Variants in ZNF331 observed in about 807,000 individuals in gnomAD.
The protein encoded by ZNF331 is C2H2-like zinc finger protein rearranged in thyroid adenomas.
Under a neutral mutation model 7.0 loss-of-function variants are expected in ZNF331, and 2 were observed. The ratio of observed to expected loss-of-function variants is 0.29; its 90% CI spans 0.12 to 0.90. The LOEUF (loss-of-function observed/expected upper bound fraction) is 0.90. Ranked by LOEUF, ZNF331 falls within the 40% of genes least tolerant of loss-of-function variation. The pLI is 0.58. For synonymous variants in ZNF331, 196 were observed against 205.4 expected, an observed-to-expected ratio of 0.95 and a Z score of 0.39; for missense variants, 432 against 587.7, an observed-to-expected ratio of 0.74 and a Z score of 2.74.
chr19:53,553,292 C>CA (rs978247227), intron 2 of ZNF331, among the ~76,000 whole-genome samples: 5,677 of 98,252 alleles, frequency 0.058, 174 homozygotes, highest in Middle Eastern at 0.11. Context: ...AACTCCATCT[C>CA]AAAAAAAAAA....
chr19:53,506,412 C>CTCTCTCTCTCTCTCTCTCTCTCTCTG, the ZNF331 span, among the ~76,000 whole-genome samples: 1 of 34,276 alleles, frequency 2.9e-5, no homozygotes, highest in Non-Finnish European at 5.5e-5. Context: ...TCTCTCTCTC[C>CTCTCTCTCTCTCTCTCTCTCTCTCTG]TCTCTCTCTC....
chr19:53,566,195 C>T (rs1235483925), intron 3 of ZNF331, among the ~76,000 whole-genome samples: 2 of 151,984 alleles, frequency 1.3e-5, no homozygotes, highest in South Asian at 2.1e-4. Flanking sequence ...GGCATCACAC[C>T]GGATGTGCCT....
intron 2 of ZNF331, among the ~76,000 whole-genome samples, chr19:53,546,140 GAAAAAAAAAA>G (rs527391326): frequency 1.4e-4 from 16 of 113,484 alleles, no homozygotes; most frequent in African/African-American, 4.4e-4. Context: ...TCCTGAGGGG[GAAAAAAAAAA>G]AAAAAAAAAA....
rs2088017462 is a variant in ZNF331, at chr19:53,539,875, C to T, written c.-138+593C>T. 2.6e-5 allele frequency among the ~76,000 whole-genome samples: 4 copies of T among 152,066 alleles called. No homozygotes were observed. Among genetic ancestry groups the T allele is most frequent in the Non-Finnish European group, 4.4e-5 (3 of 68,018 alleles). The stretch of plus-strand genomic sequence containing the variant: ...TGGAAATGGTTAAGTAATTATACCA[C>T]GTTCATTTCATGGAATACTCTGCAG... On this transcript the variant is annotated intron_variant, in intron 2 of 5. Coordinates refer to ENST00000449416, the MANE Select transcript of ZNF331 (RefSeq NM_001079906.2). This position sits in a 1 kb window ranked among gnomAD's most constrained non-coding sequence, Gnocchi z 6.1.
chr19:53,567,725 C>T (rs2090224749), intron 3 of ZNF331, among the ~76,000 whole-genome samples: 1 of 151,896 alleles, frequency 6.6e-6, no homozygotes, highest in African/African-American at 2.4e-5. Flanking sequence ...AACCTGTAAT[C>T]CCACCTACTC....
intron 2 of ZNF331, among the ~76,000 whole-genome samples, chr19:53,552,440 C>T (rs936938966): frequency 1.6e-4 from 24 of 151,930 alleles, no homozygotes; most frequent in African/African-American, 4.8e-4. Context: ...AACAGCAGGC[C>T]GGGTGCAGTG....
chr19:53,530,327 C>T (rs1000622365), intron 2 of ZNF331, among the ~76,000 whole-genome samples: 14 of 150,588 alleles, frequency 9.3e-5, no homozygotes, highest in Non-Finnish European at 5.9e-5. Flanking sequence ...CCAGGCCCCA[C>T]CTCCAGCACT....
At chr19:53,565,589 C>T (rs955920988) in intron 3 of ZNF331, among the ~76,000 whole-genome samples, 4 of 151,940 alleles carry the variant, frequency 2.6e-5, no homozygotes, top group Non-Finnish European at 5.9e-5. Context: ...TGCAGTGGCA[C>T]GATCTGGGCT....
the ZNF331 span, chr19:53,503,263 G>A: frequency 5.8e-4 from 191 of 327,548 alleles, no homozygotes; most frequent in African/African-American, 4.0e-3. Context: ...CAATCTCCTG[G>A]GCTCAAGGGA....
intron 3 of ZNF331, chr19:53,563,894 G>C (rs1429310113): frequency 6.6e-6 from 1 of 151,768 alleles, no homozygotes; most frequent in Non-Finnish European, 1.5e-5. Flanking sequence ...AATTAGCCGG[G>C]CGTGGGCGCG....
intron 3 of ZNF331, among the ~76,000 whole-genome samples, chr19:53,562,567 A>G (rs920352069): frequency 1.1e-4 from 17 of 150,624 alleles, no homozygotes; most frequent in African/African-American, 3.9e-4. Flanking sequence ...GCAAGCGCCT[A>G]TAATCCCAGC....
At position 53,577,775 on chromosome 19, in the gene ZNF331, T is replaced by C; in HGVS notation, c.1215T>C (p.His405=). 1 of 1,613,844 alleles carries C rather than the reference T, an allele frequency of 6.2e-7. No individual in the cohort carries two copies. Among genetic ancestry groups the C allele is most frequent in the Non-Finnish European group, 8.5e-7 (1 of 1,179,798 alleles). Residue 405 remains histidine (H), a synonymous_variant, in exon 6 of 6, where the codon CAT becomes CAC. Transcript: ENST00000449416. The part of the protein sequence containing the change: ...GSSLVKHERI[H]TGVKPYGCTE... ...GCCTCGTGAAACATGAGAGAATTCA[T>C]ACCGGGGTGAAACCCTATGGGTGTA...
chr19:53,562,646 C>T (rs2089949279), intron 3 of ZNF331, among the ~76,000 whole-genome samples: 1 of 151,754 alleles, frequency 6.6e-6, no homozygotes, highest in South Asian at 2.1e-4. Flanking sequence ...GCCAAGATCG[C>T]TCCACTGTAC....
At chr19:53,508,334 G>A in the ZNF331 span, among the ~76,000 whole-genome samples, 5 of 152,064 alleles carry the variant, frequency 3.3e-5, no homozygotes, top group South Asian at 4.1e-4. Flanking sequence ...GACTCCAGCC[G>A]CACCACGTGA....
the ZNF331 span, among the ~76,000 whole-genome samples, chr19:53,506,452 C>CTCTCTCTCTCTCTCTCTCTG: frequency 3.3e-5 from 3 of 91,090 alleles, no homozygotes; most frequent in Non-Finnish European, 4.6e-5. Flanking sequence ...CTGTCTCTCT[C>CTCTCTCTCTCTCTCTCTCTG]TCTCTCTCTC....
chr19:53,545,558 C>T (rs967055799), intron 2 of ZNF331, among the ~76,000 whole-genome samples: 4 of 152,136 alleles, frequency 2.6e-5, no homozygotes, highest in African/African-American at 4.8e-5. Context: ...GGTGACACAG[C>T]GCCAGTCACA....
intron 2 of ZNF331, among the ~76,000 whole-genome samples, chr19:53,540,140 T>C (rs11880256): frequency 0.031 from 4,767 of 152,270 alleles, 253 homozygotes; most frequent in African/African-American, 0.11. Flanking sequence ...GAGCGCATTT[T>C]TGTACCATAC....
At chr19:53,563,099 C>G (rs56405359) in intron 3 of ZNF331, among the ~76,000 whole-genome samples, 1 of 142,046 alleles carries the variant, frequency 7.0e-6, no homozygotes, top group Non-Finnish European at 1.5e-5. Context: ...CCCCACCCCC[C>G]GTCCCCGAGA....
At chr19:53,512,341 T>C in the ZNF331 span, 4 of 152,820 alleles carry the variant, frequency 2.6e-5, no homozygotes, top group South Asian at 7.7e-4. Flanking sequence ...AGAAAGCTGC[T>C]CTGGGGTCAG....
Sources: gnomAD v4.1 joint callset for allele counts (sites outside exome capture counted in the v4.1 genomes callset) on GRCh38, gnomAD v4.1.1 for gene constraint, Gnocchi (gnomAD v3.1) non-coding constraint, MANE v1.5 for transcripts, NCBI Gene and HGNC (gene_info 2026-07-23, HGNC 2026-07-21) for gene names.